Variants in MEGF10 observed in about 807,000 individuals in gnomAD.
MEGF10 encodes the protein multiple EGF like domains 10, also known as multiple epidermal growth factor-like domains protein 10.
A neutral mutation model predicts 147.5 loss-of-function variants in MEGF10; 86 were observed. The ratio of observed to expected loss-of-function variants is 0.58; its 90% confidence interval spans 0.49 to 0.70. The LOEUF is 0.70. Among genes scored for constraint, MEGF10 ranks in the 30% least tolerant of loss-of-function variants. The probability of loss-of-function intolerance (pLI) is 0.00; values close to 1 mark genes in which losing one functional copy is unlikely to be tolerated. For synonymous variants in MEGF10, 478 were observed against 525.5 expected (o/e 0.91, Z 1.24); for missense variants, 1,329 against 1,487.3 (o/e 0.89, Z 1.75).
intron 4 of MEGF10, among the ~76,000 whole-genome samples, chr5:127,352,622 G>A (rs1370773490): frequency 2.0e-5 from 3 of 152,202 alleles, no homozygotes; most frequent in South Asian, 2.1e-4. Flanking sequence ...AGCCGAGATG[G>A]CGACATTGCA....
intron 1 of MEGF10, among the ~76,000 whole-genome samples, chr5:127,319,804 T>C (rs1760721557): frequency 6.6e-6 from 1 of 152,230 alleles, no homozygotes; most frequent in African/African-American, 2.4e-5. Context: ...TGTACCCTAT[T>C]AACAGTGGCA....
chr5:127,300,377 G>T (rs1326282193), intron 1 of MEGF10, among the ~76,000 whole-genome samples: 1 of 152,040 alleles, frequency 6.6e-6, no homozygotes, highest in Admixed American at 6.6e-5. Flanking sequence ...AAGTTAAATG[G>T]TCCCTTTTAC....
the MEGF10 span, among the ~76,000 whole-genome samples, chr5:127,250,492 C>A: frequency 1.3e-5 from 2 of 152,064 alleles, no homozygotes; most frequent in South Asian, 4.2e-4. Context: ...TGTTGGTAAG[C>A]TAGCAATAGA....
chr5:127,242,267 A>G, the MEGF10 span, among the ~76,000 whole-genome samples: 2 of 152,190 alleles, frequency 1.3e-5, no homozygotes, highest in East Asian at 1.9e-4. Flanking sequence ...CAAAGATAGC[A>G]CCAGTACTAG....
upstream of MEGF10, among the ~76,000 whole-genome samples, chr5:127,286,616 A>G (rs959060214): frequency 6.6e-6 from 1 of 151,906 alleles, no homozygotes; most frequent in African/African-American, 2.4e-5. Flanking sequence ...AAATGCTTGT[A>G]TAAGAAAAAA....
chr5:127,329,895 C>A (rs902355967), intron 1 of MEGF10, among the ~76,000 whole-genome samples: 1 of 152,270 alleles, frequency 6.6e-6, no homozygotes, highest in African/African-American at 2.4e-5. Context: ...CAGGTGCAAA[C>A]CATTACAGGT....
chr5:127,386,547 A>G (rs929241335), intron 5 of MEGF10, among the ~76,000 whole-genome samples: 4 of 152,248 alleles, frequency 2.6e-5, no homozygotes, highest in African/African-American at 9.6e-5. Context: ...TGGCAATGAA[A>G]AAGACTAAAT....
chr5:127,305,679 GA>G (rs1274202517), intron 1 of MEGF10, among the ~76,000 whole-genome samples: 1 of 151,978 alleles, frequency 6.6e-6, no homozygotes, highest in Non-Finnish European at 1.5e-5. Flanking sequence ...GCTAGGGCTG[GA>G]AAAAAAAGTC....
intron 1 of MEGF10, among the ~76,000 whole-genome samples, chr5:127,321,112 T>A (rs959875745): frequency 9.2e-5 from 14 of 152,208 alleles, no homozygotes; most frequent in Admixed American, 4.6e-4. Flanking sequence ...GACAGGTGAT[T>A]TGACTGTAAG....
intron 1 of MEGF10, among the ~76,000 whole-genome samples, chr5:127,300,981 T>G (rs1485928485): frequency 6.6e-6 from 1 of 152,252 alleles, no homozygotes; most frequent in African/African-American, 2.4e-5. Context: ...TCACTCATTT[T>G]AGTCTGTCAG....
intron 19 of MEGF10, among the ~76,000 whole-genome samples, chr5:127,444,139 G>A (rs973604715): frequency 1.3e-5 from 2 of 152,190 alleles, no homozygotes; most frequent in African/African-American, 4.8e-5. Context: ...TGGTTCTGAA[G>A]CATGCCCTCC....
the MEGF10 span, among the ~76,000 whole-genome samples, chr5:127,278,893 T>TAGA: frequency 2.6e-5 from 4 of 151,832 alleles, no homozygotes; most frequent in African/African-American, 4.8e-5. Flanking sequence ...AACTAAGGAG[T>TAGA]TATAATTGGG....
At chr5:127,314,223 C>T (rs1055455786) in intron 1 of MEGF10, among the ~76,000 whole-genome samples, 7 of 152,216 alleles carry the variant, frequency 4.6e-5, no homozygotes, top group African/African-American at 1.7e-4. Context: ...TCCTCAAGTG[C>T]TCAATATACT....
the MEGF10 span, among the ~76,000 whole-genome samples, chr5:127,281,535 G>A: frequency 6.6e-6 from 1 of 152,132 alleles, no homozygotes; most frequent in Non-Finnish European, 1.5e-5. Context: ...GGGGCCAGTG[G>A]TCCTACCCTG....
intron 18 of MEGF10, among the ~76,000 whole-genome samples, chr5:127,441,458 C>T (rs191370559): frequency 9.8e-5 from 15 of 152,294 alleles, no homozygotes; most frequent in Middle Eastern, 3.4e-3. Flanking sequence ...GAGAATATGC[C>T]GTTGGAATTA....
At chr5:127,411,360 A>T (rs1305168999) in intron 9 of MEGF10, among the ~76,000 whole-genome samples, 1 of 152,256 alleles carries the variant, frequency 6.6e-6, no homozygotes, top group Non-Finnish European at 1.5e-5. Flanking sequence ...GTAGTGCGTT[A>T]TATAGCAGTT....
chr5:127,428,003 C>A (rs1033789705), intron 13 of MEGF10, among the ~76,000 whole-genome samples: 2 of 152,016 alleles, frequency 1.3e-5, no homozygotes, highest in Admixed American at 6.6e-5. Flanking sequence ...TGGGCCCCTG[C>A]TGTGAGGGTG....
chr5:127,379,082 T>TG (rs1491520184), intron 5 of MEGF10, among the ~76,000 whole-genome samples: 6 of 116,396 alleles, frequency 5.2e-5, no homozygotes, highest in African/African-American at 2.1e-4. Context: ...TTTTTTTTTT[T>TG]GATACTTGGT....
the MEGF10 span, among the ~76,000 whole-genome samples, chr5:127,247,440 GAAGAAGAAGAAGAAGAAGAA>G: frequency 1.8e-5 from 2 of 113,284 alleles, no homozygotes; most frequent in African/African-American, 8.2e-5. Flanking sequence ...AGAAGAAGAA[GAAGAAGAAGAAGAAGAAGAA>G]GAAGAAGAAG....
Sources: gnomAD v4.1 joint callset for allele counts (sites outside exome capture counted in the v4.1 genomes callset) on GRCh38, gnomAD v4.1.1 for gene constraint, MANE v1.5 for transcripts, NCBI Gene and HGNC (gene_info 2026-07-23, HGNC 2026-07-21) for gene names.